LPP: variants seen among roughly 807,000 people sequenced by gnomAD.
LPP encodes lipoma-preferred partner.
Under a neutral mutation model 60.4 loss-of-function variants are expected in LPP, and 38 were observed. The observed-to-expected ratio is 0.63, with a 90% CI of 0.49 to 0.83. The LOEUF (loss-of-function observed/expected upper bound fraction) is 0.83, where lower values mean the gene tolerates loss of function less well. LPP is among the 40% of genes least tolerant of loss of function. The probability of loss-of-function intolerance (pLI) is 0.00; values close to 1 mark genes in which losing one functional copy is unlikely to be tolerated. For missense variants in LPP, 902 were observed against 783.6 expected (o/e 1.15, Z -1.80); for synonymous variants, 328 against 290.8 (o/e 1.13, Z -1.30).
intron 3 of LPP, among the ~76,000 whole-genome samples, 179 bp downstream of exon 3, chr3:188,341,898 TA>T (rs1763158761): frequency 1.3e-5 from 2 of 152,350 alleles, no homozygotes; most frequent in African/African-American, 4.8e-5. Flanking sequence ...TTTTTTGATT[TA>T]TTTTTTTCCC....
chr3:188,538,268 C>A (rs889124157), intron 6 of LPP, among the ~76,000 whole-genome samples: 2 of 152,214 alleles, frequency 1.3e-5, no homozygotes, highest in African/African-American at 4.8e-5. Context: ...AGAAAGTGAA[C>A]AAACAATCCG....
chr3:188,160,503 C>G (rs1179907975), intron 1 of LPP, among the ~76,000 whole-genome samples: 1 of 152,200 alleles, frequency 6.6e-6, no homozygotes, highest in Non-Finnish European at 1.5e-5. Flanking sequence ...CCTCTGTTTT[C>G]TTAATCCATG....
intron 3 of LPP, among the ~76,000 whole-genome samples, chr3:188,379,000 A>T (rs908222337): frequency 2.0e-5 from 3 of 152,070 alleles, no homozygotes; most frequent in African/African-American, 7.2e-5. Flanking sequence ...ACAGCTGCTC[A>T]AGTTGTGCCT....
At chr3:188,375,645 TA>T (rs796979503) in intron 3 of LPP, among the ~76,000 whole-genome samples, 2 of 152,182 alleles carry the variant, frequency 1.3e-5, no homozygotes, top group African/African-American at 4.8e-5. Flanking sequence ...GTTTATCTTT[TA>T]AAAAAACCAG....
At chr3:188,435,120 T>A (rs1791986928) in intron 4 of LPP, among the ~76,000 whole-genome samples, 1 of 152,198 alleles carries the variant, frequency 6.6e-6, no homozygotes, top group South Asian at 2.1e-4. Context: ...GATAATTTAA[T>A]CTTACTGGGA....
intron 5 of LPP, among the ~76,000 whole-genome samples, chr3:188,509,228 A>C (rs776297214): frequency 1.3e-5 from 2 of 152,172 alleles, no homozygotes; most frequent in Non-Finnish European, 2.9e-5. Context: ...ACCACCAGAA[A>C]ACATGTGCAG....
At chr3:188,346,515 C>T (rs896929108) in intron 3 of LPP, among the ~76,000 whole-genome samples, 3 of 151,606 alleles carry the variant, frequency 2.0e-5, no homozygotes, top group Non-Finnish European at 4.4e-5. Context: ...CCACCCGCCT[C>T]GGCCTACCAA....
At chr3:188,602,709 G>T (rs1841619885) in intron 6 of LPP, among the ~76,000 whole-genome samples, 3 of 133,480 alleles carry the variant, frequency 2.2e-5, no homozygotes, top group African/African-American at 5.6e-5. Flanking sequence ...TTTTTTATTT[G>T]AAGAGAAAGA....
intron 2 of LPP, among the ~76,000 whole-genome samples, chr3:188,278,074 A>G (rs1740621272): frequency 6.6e-6 from 1 of 152,126 alleles, no homozygotes; most frequent in Admixed American, 6.5e-5. Context: ...ATTTGCATTT[A>G]TTACACACGT....
intron 4 of LPP, among the ~76,000 whole-genome samples, chr3:188,482,424 C>T (rs115711590): frequency 6.6e-6 from 1 of 152,120 alleles, no homozygotes; most frequent in Non-Finnish European, 1.5e-5. Context: ...CCTTTAAAGG[C>T]AGTAAAAAAC....
intron 2 of LPP, among the ~76,000 whole-genome samples, chr3:188,249,122 A>G (rs1218330820): frequency 6.6e-6 from 1 of 152,164 alleles, no homozygotes; most frequent in Non-Finnish European, 1.5e-5. Flanking sequence ...GTGCTATTTT[A>G]ATTTTACAGA....
chr3:188,646,766 T>G, intron 7 of LPP, among the ~76,000 whole-genome samples: 1 of 152,218 alleles, frequency 6.6e-6, no homozygotes, highest in East Asian at 1.9e-4. Context: ...GTTTCTCAGC[T>G]AGGAACAAAA....
chr3:188,857,111 G>A (rs1469233093), intron 9 of LPP, among the ~76,000 whole-genome samples: 1 of 152,158 alleles, frequency 6.6e-6, no homozygotes, highest in Admixed American at 6.5e-5. Flanking sequence ...TCACAAAATA[G>A]TATATCACAT....
chr3:188,421,331 A>T (rs1361113105), intron 4 of LPP, among the ~76,000 whole-genome samples: 2 of 151,894 alleles, frequency 1.3e-5, no homozygotes, highest in African/African-American at 2.4e-5. Flanking sequence ...GGTAGAAAGA[A>T]AAAAGATCCA....
intron 2 of LPP, among the ~76,000 whole-genome samples, chr3:188,243,082 T>C (rs1725555656): frequency 6.6e-6 from 1 of 152,092 alleles, no homozygotes; most frequent in Admixed American, 6.5e-5. Context: ...AGATTCAAAA[T>C]AGCTCTTACA....
intron 3 of LPP, among the ~76,000 whole-genome samples, chr3:188,350,334 C>T (rs1765506620): frequency 2.0e-5 from 3 of 152,208 alleles, no homozygotes; most frequent in Middle Eastern, 6.8e-3. Flanking sequence ...TCTTATAGAA[C>T]TAGGGACAAG....
chr3:188,486,621 G>A (rs1381621646), intron 5 of LPP, among the ~76,000 whole-genome samples: 1 of 152,150 alleles, frequency 6.6e-6, no homozygotes, highest in Non-Finnish European at 1.5e-5. Context: ...AAAGGCTTTT[G>A]ATATTATCTA....
chr3:188,785,436 AT>A lies in LPP; in HGVS notation c.1410+25155del, dbSNP rs1741293520. Among the ~76,000 whole-genome samples the A allele has an allele frequency of 4.8e-4, 11 of 22,778 alleles. 2 individuals are homozygous for A. Among genetic ancestry groups the A allele is most frequent in the African/African-American group, 2.4e-3 (9 of 3,818 alleles). The allele number at this position is 22,778 out of a possible 152,430, so 14.9% of individuals were successfully genotyped here. On this transcript the variant is annotated intron_variant, in intron 9 of 11. Coordinates refer to ENST00000617246, the MANE Select transcript of LPP (RefSeq NM_001375462.1). Reference sequence around the variant, plus strand: ...ATATATTCCATCATATATATATTCCATCATATATATATATTCCATCATATAT... The same window carrying A: ...ATATATTCCATCATATATATATTCCACATATATATATATTCCATCATATAT...
At chr3:188,592,557 G>GTTGTTGTTTGTTTTT (rs1553936334) in intron 6 of LPP, among the ~76,000 whole-genome samples, 2 of 85,756 alleles carry the variant, frequency 2.3e-5, no homozygotes, top group South Asian at 5.7e-4. Flanking sequence ...TTTTGTTTTT[G>GTTGTTGTTTGTTTTT]TTTTTTAAAT....
Sources: allele counts gnomAD v4.1 joint callset (sites outside exome capture counted in the v4.1 genomes callset), GRCh38; gene constraint gnomAD v4.1.1; transcripts MANE v1.5; gene names NCBI Gene and HGNC (gene_info 2026-07-23, HGNC 2026-07-21).